Variants in SCLT1 observed in about 807,000 individuals in gnomAD.
The protein encoded by SCLT1 is sodium channel-associated protein 1.
Under a neutral mutation model 112.8 loss-of-function variants are expected in SCLT1, and 78 were observed. That is an observed-to-expected ratio of 0.69 (90% CI 0.58 to 0.83). SCLT1 has a LOEUF of 0.83. Ranked by LOEUF, SCLT1 falls within the 40% of genes least tolerant of loss-of-function variation. The probability of loss-of-function intolerance (pLI) is 0.00; values close to 1 mark genes in which losing one functional copy is unlikely to be tolerated. For synonymous variants in SCLT1, 257 were observed against 254.7 expected (o/e 1.01, Z -0.09); for missense variants, 747 against 770.4 (o/e 0.97, Z 0.36).
intron 2 of SCLT1, among the ~76,000 whole-genome samples, chr4:129,068,538 T>C (rs1040555256): frequency 2.6e-5 from 4 of 152,220 alleles, no homozygotes; most frequent in African/African-American, 9.7e-5. Flanking sequence ...AATTTGTCTA[T>C]ATGTATATGT....
At chr4:128,881,159 T>C (rs935044576), downstream of SCLT1, among the ~76,000 whole-genome samples, 3 of 152,216 alleles carry the variant, frequency 2.0e-5, no homozygotes, top group East Asian at 5.8e-4. Context: ...CAGGTTTTTA[T>C]CTGTAACTTC....
At chr4:129,054,030 T>A (rs187033486) in intron 2 of SCLT1, among the ~76,000 whole-genome samples, 257 of 152,296 alleles carry the variant, frequency 1.7e-3, no homozygotes, top group Non-Finnish European at 2.8e-3. Flanking sequence ...TTTGGCTGGA[T>A]ATAAAATTCT....
intron 1 of SCLT1, among the ~76,000 whole-genome samples, chr4:129,091,473 A>G (rs1393304889): frequency 6.6e-6 from 1 of 152,020 alleles, no homozygotes; most frequent in African/African-American, 2.4e-5. Context: ...GATCATTCTT[A>G]TAAAATTAAT....
chr4:128,928,674 A>G (rs542620634), intron 18 of SCLT1, among the ~76,000 whole-genome samples: 12 of 152,238 alleles, frequency 7.9e-5, no homozygotes, highest in African/African-American at 2.6e-4. Flanking sequence ...TCTACTAAAA[A>G]TACAAAAACT....
intron 5 of SCLT1, among the ~76,000 whole-genome samples, chr4:129,024,313 T>G: frequency 6.6e-6 from 1 of 152,202 alleles, no homozygotes; most frequent in Non-Finnish European, 1.5e-5. Context: ...AGGGGCAGAC[T>G]GACACCTCAC....
intron 2 of SCLT1, among the ~76,000 whole-genome samples, chr4:129,074,625 A>G (rs537724134): frequency 6.6e-6 from 1 of 152,324 alleles, no homozygotes; most frequent in African/African-American, 2.4e-5. Context: ...AAAAAGCTAT[A>G]CTAAATAAAG....
intron 9 of SCLT1, among the ~76,000 whole-genome samples, chr4:128,989,692 A>G (rs546576435): frequency 2.6e-5 from 4 of 151,600 alleles, no homozygotes; most frequent in Non-Finnish European, 5.9e-5. Context: ...TTTTAAGACA[A>G]ACAAAATCAA....
chr4:129,015,866 C>G (rs1005511889), intron 5 of SCLT1, among the ~76,000 whole-genome samples: 3 of 152,170 alleles, frequency 2.0e-5, no homozygotes, highest in Non-Finnish European at 4.4e-5. Context: ...TTCTGAGAAT[C>G]TGTTAGGAGT....
chr4:128,904,514 T>C lies in SCLT1; in HGVS notation c.1830-13377A>G, dbSNP rs143267174. ...ACTGATATGCCATCAGATTAGACCA[T>C]TGTTGGAAGATCTTTCAGCCCTTCC... is the stretch of plus-strand genomic sequence containing the variant. On this transcript the variant is annotated intron_variant, in intron 18 of 20. Transcript: ENST00000281142. 1.1e-3 allele frequency among the ~76,000 whole-genome samples: 161 copies of C among 152,294 alleles called. 2 individuals carry two copies. Among genetic ancestry groups the C allele is most frequent in the Admixed American group, 9.5e-3 (145 of 15,302 alleles).
intron 6 of SCLT1, among the ~76,000 whole-genome samples, chr4:129,002,819 C>T (rs1743631916): frequency 6.6e-6 from 1 of 152,136 alleles, no homozygotes; most frequent in South Asian, 2.1e-4. Flanking sequence ...AATAGGAACA[C>T]TTTTACACTG....
chr4:129,042,947 C>A (rs528053292), intron 4 of SCLT1, among the ~76,000 whole-genome samples: 2 of 152,120 alleles, frequency 1.3e-5, no homozygotes, highest in Non-Finnish European at 2.9e-5. Context: ...GTGGCACATG[C>A]CTGTAATCCC....
chr4:129,021,981 C>G (rs1160604212), intron 5 of SCLT1, among the ~76,000 whole-genome samples: 1 of 152,196 alleles, frequency 6.6e-6, no homozygotes, highest in African/African-American at 2.4e-5. Flanking sequence ...TGCTGTTCTG[C>G]ACCCTCCACT....
intron 18 of SCLT1, among the ~76,000 whole-genome samples, chr4:128,906,468 G>A (rs901753331): frequency 6.6e-6 from 1 of 152,174 alleles, no homozygotes; most frequent in African/African-American, 2.4e-5. Flanking sequence ...AAAGTGCTGG[G>A]ATTACAGGCG....
chr4:128,989,091 G>A (rs1202061006), intron 9 of SCLT1, among the ~76,000 whole-genome samples: 3 of 151,738 alleles, frequency 2.0e-5, no homozygotes, highest in Admixed American at 2.0e-4. Flanking sequence ...TACCAACAAA[G>A]AAACATCAGA....
chr4:128,883,939 CG>C (rs1281717608), downstream of SCLT1: 1 of 151,836 alleles, frequency 6.6e-6, no homozygotes, highest in Non-Finnish European at 1.5e-5. Flanking sequence ...TACTGAAAAC[CG>C]TAAGTTAAAA....
chr4:129,071,246 A>G (rs1561050219), intron 2 of SCLT1, among the ~76,000 whole-genome samples: 1 of 152,230 alleles, frequency 6.6e-6, no homozygotes, highest in East Asian at 1.9e-4. Flanking sequence ...CAGAATGTGT[A>G]TTCTGTGGTT....
rs576576738 is a variant in SCLT1 at position 128,978,257 on chromosome 4, C to A, written c.687-7789G>T. On this transcript the variant is annotated intron_variant, in intron 9 of 20. Coordinates refer to ENST00000281142, the MANE Select transcript of SCLT1 (RefSeq NM_144643.4). ...CTAGCAATTCAATTATGGAACTCAA[C>A]AAAGCAATCAAGGTCAGAGGTGTAT... Among the ~76,000 whole-genome samples, 4 of 152,058 alleles carry A rather than the reference C, an allele frequency of 2.6e-5. No homozygotes were observed. The East Asian group carries it at 7.7e-4, about 29-fold the overall frequency.
chr4:129,078,973 A>T (rs1282457851), intron 2 of SCLT1, among the ~76,000 whole-genome samples: 3 of 152,164 alleles, frequency 2.0e-5, no homozygotes, highest in Non-Finnish European at 4.4e-5. Flanking sequence ...CAGGAGGAAG[A>T]GAGAAAATGG....
chr4:129,074,365 A>G (rs1751278812), intron 2 of SCLT1, among the ~76,000 whole-genome samples: 1 of 152,206 alleles, frequency 6.6e-6, no homozygotes, highest in African/African-American at 2.4e-5. Context: ...TGACCTAATA[A>G]TCCAAAGTAA....
Sources: allele counts gnomAD v4.1 joint callset (sites outside exome capture counted in the v4.1 genomes callset), GRCh38; gene constraint gnomAD v4.1.1; transcripts MANE v1.5; gene names NCBI Gene and HGNC (gene_info 2026-07-23, HGNC 2026-07-21).